Variants in CC2D2A observed in about 807,000 individuals in gnomAD.
The protein encoded by CC2D2A is coiled-coil and C2 domain-containing protein 2A.
CC2D2A carries 155 observed loss-of-function variants against 212.9 expected under a neutral mutation model. That is an observed-to-expected ratio of 0.73 (90% CI 0.64 to 0.83). The LOEUF (loss-of-function observed/expected upper bound fraction) is 0.83, where lower values mean the gene tolerates loss of function less well. Among genes scored for constraint, CC2D2A ranks in the 40% least tolerant of loss-of-function variants. CC2D2A has a pLI of 0.00. For missense variants in CC2D2A, 1,856 were observed against 1,956.2 expected, an observed-to-expected ratio of 0.95 and a Z score of 0.97; for synonymous variants, 667 against 686.5, an observed-to-expected ratio of 0.97 and a Z score of 0.44.
chr4:15,567,625 T>A (rs1181046515), intron 25 of CC2D2A, 52 bp from the exon 26 acceptor site: 6 of 1,418,018 alleles, frequency 4.2e-6, no homozygotes, highest in Non-Finnish European at 5.8e-6. Context: ...TTGCTAAGAA[T>A]AAAATAATTT....
intron 11 of CC2D2A, among the ~76,000 whole-genome samples, 188 bp downstream of exon 11, chr4:15,516,944 C>CTTTTTT (rs397992357): frequency 2.1e-5 from 2 of 95,792 alleles, no homozygotes; most frequent in Non-Finnish European, 4.0e-5. Flanking sequence ...TGCATCCCTT[C>CTTTTTT]TTTTTTTTTT....
At chr4:15,541,187 C>T (rs921880844) in intron 17 of CC2D2A, among the ~76,000 whole-genome samples, 173 bp downstream of exon 17, 11 of 151,928 alleles carry the variant, frequency 7.2e-5, no homozygotes, top group East Asian at 3.9e-4. Flanking sequence ...AGTGTGCTGG[C>T]GGGTGCCTGT....
chr4:15,484,289 AG>A (rs1263801062), intron 4 of CC2D2A, among the ~76,000 whole-genome samples: 1 of 152,208 alleles, frequency 6.6e-6, no homozygotes, highest in Non-Finnish European at 1.5e-5. Context: ...AGCAACAGCC[AG>A]GGGGCAAGGG....
intron 7 of CC2D2A, 63 bp from the exon 8 acceptor site, chr4:15,511,184 A>T: frequency 6.7e-7 from 1 of 1,486,192 alleles, no homozygotes; most frequent in Non-Finnish European, 9.0e-7. Context: ...CTGTCAGTTA[A>T]TTGTGCAGAG....
intron 13 of CC2D2A, among the ~76,000 whole-genome samples, chr4:15,530,477 A>G (rs1033430515): frequency 2.0e-5 from 3 of 152,216 alleles, no homozygotes; most frequent in African/African-American, 4.8e-5. Flanking sequence ...ACATTAAGAA[A>G]AAAGTGACAA....
intron 13 of CC2D2A, among the ~76,000 whole-genome samples, chr4:15,532,957 C>A (rs1304238696): frequency 2.0e-5 from 3 of 152,174 alleles, no homozygotes; most frequent in South Asian, 4.2e-4. Context: ...AGTTTTAATA[C>A]AAATTTTTTA....
intron 4 of CC2D2A, among the ~76,000 whole-genome samples, chr4:15,499,909 C>T (rs1335720422): frequency 6.9e-6 from 1 of 145,360 alleles, no homozygotes; most frequent in Non-Finnish European, 1.5e-5. Flanking sequence ...CCCTGCGTGG[C>T]TGGGGACCTT....
chr4:15,491,831 G>A (rs1443870271), intron 4 of CC2D2A, among the ~76,000 whole-genome samples: 1 of 151,898 alleles, frequency 6.6e-6, no homozygotes, highest in East Asian at 1.9e-4. Flanking sequence ...CAAGTCAGTG[G>A]CTTGTCTTTT....
chr4:15,498,897 C>A (rs112495035), intron 4 of CC2D2A, among the ~76,000 whole-genome samples: 5 of 152,146 alleles, frequency 3.3e-5, no homozygotes, highest in African/African-American at 1.2e-4. Flanking sequence ...GTTTTTCCTT[C>A]GCTGATCTAA....
chr4:15,524,532 G>A (rs1577347621), intron 11 of CC2D2A, among the ~76,000 whole-genome samples: 1 of 143,954 alleles, frequency 6.9e-6, no homozygotes. Flanking sequence ...CTCACTGCAA[G>A]CTCCGCCTCC....
intron 13 of CC2D2A, among the ~76,000 whole-genome samples, chr4:15,530,007 T>A (rs1717747789): frequency 6.6e-6 from 1 of 151,822 alleles, no homozygotes; most frequent in Admixed American, 6.6e-5. Flanking sequence ...AGTCTCACTC[T>A]GTCGCCCAGG....
intron 17 of CC2D2A, 38 bp downstream of exon 17, chr4:15,541,052 G>A (rs1185712322): frequency 6.8e-7 from 1 of 1,480,670 alleles, no homozygotes; most frequent in Non-Finnish European, 9.0e-7. Flanking sequence ...CGGGCACTGT[G>A]GCTCATGCCT....
At position 15,567,793 on chromosome 4, in the gene CC2D2A, A is replaced by C; in HGVS notation, c.3398+7A>C. 6.4e-7 allele frequency: 1 copy of C among 1,562,708 alleles called. No homozygotes were observed. Among genetic ancestry groups the C allele is most frequent in the Non-Finnish European group, 8.7e-7 (1 of 1,151,664 alleles). On this transcript the variant is annotated splice_region_variant and intron_variant, in intron 26 of 36. Coordinates refer to ENST00000424120, the MANE Select transcript of CC2D2A (RefSeq NM_001378615.1). ...AACTAGAACTTCCATTTAGGTAAGC[A>C]TATTTTCCTCTTTAAAGAACTATAG...
intron 23 of CC2D2A, among the ~76,000 whole-genome samples, chr4:15,561,006 T>C (rs1719567540): frequency 6.6e-6 from 1 of 152,160 alleles, no homozygotes; most frequent in Non-Finnish European, 1.5e-5. Context: ...CGCATGGCAG[T>C]AGAGGTGGCT....
chr4:15,588,956 G>A (rs922834079), intron 32 of CC2D2A, among the ~76,000 whole-genome samples: 4 of 151,406 alleles, frequency 2.6e-5, no homozygotes, highest in East Asian at 1.9e-4. Flanking sequence ...CTAACAATAC[G>A]TAAGTATTCT....
intron 3 of CC2D2A, chr4:15,479,423 A>T: frequency 1.5e-5 from 14 of 953,896 alleles, no homozygotes; most frequent in East Asian, 2.8e-5. Flanking sequence ...AGATGCCAGC[A>T]GGGGAGGGAG....
chr4:15,517,372 A>G (rs1206266344), intron 11 of CC2D2A, among the ~76,000 whole-genome samples: 1 of 152,010 alleles, frequency 6.6e-6, no homozygotes, highest in Non-Finnish European at 1.5e-5. Flanking sequence ...TTCTCTTGTT[A>G]TCTCACATTT....
At chr4:15,588,905 TTAAA>T (rs989962736) in intron 32 of CC2D2A, among the ~76,000 whole-genome samples, 2 of 151,558 alleles carry the variant, frequency 1.3e-5, no homozygotes, top group African/African-American at 4.8e-5. Context: ...AAATAATAAT[TTAAA>T]TAAATAATAA....
intron 6 of CC2D2A, 33 bp downstream of exon 6, chr4:15,502,956 A>T (rs1474585067): frequency 6.6e-7 from 1 of 1,516,450 alleles, no homozygotes; most frequent in Admixed American, 2.0e-5. Flanking sequence ...TGTGATCAAA[A>T]CCAGTAAAGC....
Sources: gnomAD v4.1 joint callset for allele counts (sites outside exome capture counted in the v4.1 genomes callset) on GRCh38, gnomAD v4.1.1 for gene constraint, MANE v1.5 for transcripts, NCBI Gene and HGNC (gene_info 2026-07-23, HGNC 2026-07-21) for gene names.